ADAP1: variants seen among roughly 807,000 people sequenced by gnomAD.
ADAP1 encodes the protein ArfGAP with dual PH domains 1.
Under a neutral mutation model 54.9 loss-of-function variants are expected in ADAP1, and 31 were observed. That is an observed-to-expected ratio of 0.56 (90% CI 0.42 to 0.76). The LOEUF (loss-of-function observed/expected upper bound fraction) is 0.76. Among genes scored for constraint, ADAP1 ranks in the 30% least tolerant of loss-of-function variants. The pLI is 0.00. For synonymous variants in ADAP1, 313 were observed against 202.6 expected, an observed-to-expected ratio of 1.55 and a Z score of -4.63; for missense variants, 535 against 512.4, an observed-to-expected ratio of 1.04 and a Z score of -0.42.
chr7:930,831 G>T (rs1846550546), intron 2 of ADAP1, among the ~76,000 whole-genome samples: 2 of 150,028 alleles, frequency 1.3e-5, no homozygotes, highest in South Asian at 4.2e-4. Flanking sequence ...AAAAAAAGTA[G>T]CCAGGCACGG....
intron 3 of ADAP1, among the ~76,000 whole-genome samples, chr7:922,403 G>A (rs886068321): frequency 9.2e-5 from 14 of 152,110 alleles, no homozygotes; most frequent in African/African-American, 3.1e-4. Context: ...TGCTCAGGGC[G>A]ACTGCCTCCC....
chr7:925,954 C>A (rs11974477), intron 3 of ADAP1, among the ~76,000 whole-genome samples: 1 of 152,138 alleles, frequency 6.6e-6, no homozygotes, highest in Non-Finnish European at 1.5e-5. Context: ...ACGAGGGGGT[C>A]GGTGCGAACA....
chr7:931,098 G>T (rs550179836), intron 2 of ADAP1, among the ~76,000 whole-genome samples: 1 of 151,442 alleles, frequency 6.6e-6, no homozygotes. Flanking sequence ...AAGGAAGGAC[G>T]GAGGGACGGA....
At chr7:942,562 AAGAGAGGAGGAGGAAGGG>A (rs1846980159) in intron 1 of ADAP1, among the ~76,000 whole-genome samples, 2 of 80,310 alleles carry the variant, frequency 2.5e-5, no homozygotes, top group African/African-American at 7.9e-5. Context: ...GAGTAGGAGG[AAGAGAGGAGGAGGAAGGG>A]AGAGAGGAGG....
chr7:917,637 G>C (rs1389891288), intron 4 of ADAP1, among the ~76,000 whole-genome samples: 1 of 152,106 alleles, frequency 6.6e-6, no homozygotes, highest in Non-Finnish European at 1.5e-5. Flanking sequence ...GCTAATTTTT[G>C]TATTTTTTAC....
chr7:906,059 GA>G (rs1240949994), intron 4 of ADAP1, among the ~76,000 whole-genome samples: 4 of 17,726 alleles, frequency 2.3e-4, no homozygotes, highest in African/African-American at 2.2e-3. Flanking sequence ...GGAGAAAGGA[GA>G]AAGGGAGAAA....
chr7:940,937 A>G (rs1344865406), intron 1 of ADAP1, among the ~76,000 whole-genome samples: 2 of 152,214 alleles, frequency 1.3e-5, no homozygotes, highest in Admixed American at 1.3e-4. Context: ...AAATTCTCAG[A>G]AAACTAAGAA....
Position 897,977 on chromosome 7 carries a change from C to T in ADAP1, c.*944G>A, listed in dbSNP as rs1844585223. The T allele has an allele frequency of 6.6e-6, 1 of 152,332 alleles. No homozygotes were observed. The highest frequency in any genetic ancestry group is 2.4e-5 in the African/African-American group (1 of 41,460). 9.4% of individuals were successfully genotyped at this position (152,332 alleles called of 1,614,324 possible). A position where few individuals can be genotyped will look rare whatever the true frequency, so the allele number is the denominator to read the frequency against. Reference sequence around the variant, plus strand: ...ATGCCTGGCCTCGGAAACCCCCTCCCTGCCTATGAGGGCTTGTCCAGGGCT... The same window carrying T: ...ATGCCTGGCCTCGGAAACCCCCTCCTTGCCTATGAGGGCTTGTCCAGGGCT... On this transcript the variant is annotated 3_prime_UTR_variant, in exon 11 of 11. Transcript: ENST00000265846.
rs1311033782 is a variant in ADAP1, at chr7:926,451, T to C, written c.305+102A>G. ...GCTGCGGCTGGCTTCTCCCCGACCC[T>C]GTGGGCGGCACCCAACTCCCCACCC... On this transcript the variant is annotated intron_variant, in intron 3 of 10. Coordinates refer to ENST00000265846, the MANE Select transcript of ADAP1 (RefSeq NM_006869.4). This position sits in a 1 kb window ranked among gnomAD's most constrained non-coding sequence, Gnocchi z 4.6. 5 of 936,974 alleles carry C rather than the reference T, an allele frequency of 5.3e-6. No homozygotes were observed. In the Admixed American group the frequency reaches 1.2e-4, roughly 22 times the overall value. The allele number at this position is 936,974 out of a possible 1,614,324, so 58.0% of individuals were successfully genotyped here. A position where few individuals can be genotyped will look rare whatever the true frequency, so the allele number is the denominator to read the frequency against.
intron 2 of ADAP1, among the ~76,000 whole-genome samples, chr7:928,821 A>G (rs1000278626): frequency 6.6e-6 from 1 of 152,242 alleles, no homozygotes; most frequent in African/African-American, 2.4e-5. Flanking sequence ...CAGAGTTACC[A>G]TAGAGTCCAG....
chr7:904,333 G>T, intron 5 of ADAP1, 61 bp from the exon 6 acceptor site: 10 of 1,519,738 alleles, frequency 6.6e-6, no homozygotes, highest in Non-Finnish European at 4.4e-6. Flanking sequence ...AAGGGAGCAG[G>T]AAGGGCAGAC....
rs918806029 is a variant in ADAP1, at chr7:938,830, C to T, written c.83-3325G>A. On this transcript the variant is annotated intron_variant, in intron 1 of 10. Coordinates refer to ENST00000265846, the MANE Select transcript of ADAP1 (RefSeq NM_006869.4). The surrounding 1 kb of genome is among the most constrained non-coding windows in gnomAD (Gnocchi z 4.4). ...CTGCTCCGACAGTGTGGACCACGGA[C>T]CCAGGCTTCCTGTCTCATGGCCTTT... is the stretch of plus-strand genomic sequence containing the variant. 4.6e-5 allele frequency among the ~76,000 whole-genome samples: 7 copies of T among 152,236 alleles called. No individual in the cohort carries two copies. The highest frequency in any genetic ancestry group is 1.7e-4 in the African/African-American group (7 of 41,450).
chr7:927,278 G>T, intron 2 of ADAP1: 8 of 1,231,796 alleles, frequency 6.5e-6, no homozygotes, highest in Non-Finnish European at 8.4e-6. Context: ...TCGTGCTCCA[G>T]GAGGCTGTCA....
chr7:953,312 C>A (rs1278701313), intron 1 of ADAP1, among the ~76,000 whole-genome samples: 1 of 152,244 alleles, frequency 6.6e-6, no homozygotes, highest in Non-Finnish European at 1.5e-5. Flanking sequence ...GACACCCCAG[C>A]TCCTGATGTG....
intron 1 of ADAP1, among the ~76,000 whole-genome samples, chr7:949,398 T>C (rs1190673272): frequency 6.6e-6 from 1 of 152,220 alleles, no homozygotes; most frequent in East Asian, 1.9e-4. Context: ...GGAGAAGCAG[T>C]TGGGGGATGC....
intron 7 of ADAP1, 136 bp downstream of exon 7, chr7:900,397 C>A (rs1844730160): frequency 1.9e-6 from 2 of 1,041,236 alleles, no homozygotes. Flanking sequence ...GCAGGCACGT[C>A]AGGGTGAGCC....
intron 4 of ADAP1, among the ~76,000 whole-genome samples, chr7:916,937 C>A (rs539403278): frequency 6.7e-6 from 1 of 149,880 alleles, no homozygotes; most frequent in South Asian, 2.1e-4. Flanking sequence ...GGGAGGTGCA[C>A]GGGAGGGGGG....
At chr7:922,359 CA>C (rs1037623751) in intron 3 of ADAP1, among the ~76,000 whole-genome samples, 4 of 152,152 alleles carry the variant, frequency 2.6e-5, no homozygotes, top group African/African-American at 4.8e-5. Flanking sequence ...CAACGCAGAG[CA>C]AAATGTGAGC....
chr7:935,301 A>T, intron 2 of ADAP1, 74 bp downstream of exon 2: 1 of 1,517,390 alleles, frequency 6.6e-7, no homozygotes, highest in Non-Finnish European at 8.9e-7. Context: ...GCCGCCCGGC[A>T]TCTCTGGCTC....
Sources: gnomAD v4.1 joint callset for allele counts (sites outside exome capture counted in the v4.1 genomes callset) on GRCh38, gnomAD v4.1.1 for gene constraint, Gnocchi (gnomAD v3.1) non-coding constraint, MANE v1.5 for transcripts, NCBI Gene and HGNC (gene_info 2026-07-23, HGNC 2026-07-21) for gene names.